PLA2G5: variants seen among roughly 807,000 people sequenced by gnomAD.
PLA2G5 encodes phospholipase A2 group V.
PLA2G5 carries 12 observed loss-of-function variants against 15.9 expected under a neutral mutation model. That is an observed-to-expected ratio of 0.76 (90% CI 0.48 to 1.23). The LOEUF (loss-of-function observed/expected upper bound fraction) is 1.23, where lower values mean the gene tolerates loss of function less well. PLA2G5 is among the 50% of genes most tolerant of loss of function. The pLI, the probability that PLA2G5 is intolerant of heterozygous loss-of-function variation, is 0.00. For synonymous variants in PLA2G5, 71 were observed against 71.4 expected (o/e 0.99, Z 0.03); for missense variants, 169 against 177.1 (o/e 0.95, Z 0.26).
chr1:20,085,316 G>A (rs1034828076), intron 2 of PLA2G5, among the ~76,000 whole-genome samples: 12 of 151,730 alleles, frequency 7.9e-5, no homozygotes, highest in African/African-American at 2.9e-4. Context: ...TGTATAGATG[G>A]CTTTAGTCCC....
intron 1 of PLA2G5, among the ~76,000 whole-genome samples, chr1:20,032,376 A>G (rs1314220999): frequency 6.6e-6 from 1 of 151,212 alleles, no homozygotes; most frequent in East Asian, 1.9e-4. Context: ...TGATGGTGGT[A>G]GGAAAAGTTT....
At chr1:20,033,640 T>A (rs1277911812) in intron 1 of PLA2G5, among the ~76,000 whole-genome samples, 2 of 152,150 alleles carry the variant, frequency 1.3e-5, no homozygotes, top group African/African-American at 4.8e-5. Context: ...TTGAGAGGTA[T>A]GCAATAGTTT....
At chr1:20,041,836 C>G (rs1277880766) in intron 1 of PLA2G5, among the ~76,000 whole-genome samples, 1 of 152,080 alleles carries the variant, frequency 6.6e-6, no homozygotes, top group Non-Finnish European at 1.5e-5. Context: ...AGGAGAAAAA[C>G]TGGCAGTGAG....
Position 20,090,812 on chromosome 1 carries a change from A to G in PLA2G5, c.*120A>G. On this transcript the variant is annotated 3_prime_UTR_variant, in exon 5 of 5. Transcript: ENST00000375108. Reference sequence around the variant, plus strand: ...AAGTCACAGACCTCAGTCTTTCTCGAAGCTTGGCGGACCCCCAGGGCCACA... The same window carrying G: ...AAGTCACAGACCTCAGTCTTTCTCGGAGCTTGGCGGACCCCCAGGGCCACA... The G allele has an allele frequency of 9.2e-7, 1 of 1,081,502 alleles. No homozygotes were observed. The highest frequency in any genetic ancestry group is 1.4e-6 in the Non-Finnish European group (1 of 723,722). The allele number at this position is 1,081,502 out of a possible 1,614,324, so 67.0% of individuals were successfully genotyped here.
At chr1:20,036,081 CT>C (rs1196513344) in intron 1 of PLA2G5, among the ~76,000 whole-genome samples, 2 of 152,174 alleles carry the variant, frequency 1.3e-5, no homozygotes, top group African/African-American at 4.8e-5. Flanking sequence ...TCCCTTCTAG[CT>C]TGTAGGGTTT....
At chr1:20,053,568 T>TGGG in intron 1 of PLA2G5, among the ~76,000 whole-genome samples, 1 of 58,656 alleles carries the variant, frequency 1.7e-5, no homozygotes, top group Admixed American at 1.8e-4. Flanking sequence ...TGTATTACTT[T>TGGG]GCGGGGGGGG....
chr1:20,063,220 G>GA (rs1435229834), intron 2 of PLA2G5, among the ~76,000 whole-genome samples: 7 of 152,046 alleles, frequency 4.6e-5, no homozygotes, highest in Admixed American at 2.6e-4. Flanking sequence ...AGATGAAAAT[G>GA]AAAAAAACCA....
At chr1:20,033,841 C>G (rs2013101098) in intron 1 of PLA2G5, among the ~76,000 whole-genome samples, 1 of 151,840 alleles carries the variant, frequency 6.6e-6, no homozygotes, top group Non-Finnish European at 1.5e-5. Context: ...TAGGATGGGC[C>G]TTATGAGATA....
At chr1:20,044,913 G>A (rs545954860) in intron 1 of PLA2G5, among the ~76,000 whole-genome samples, 2 of 152,156 alleles carry the variant, frequency 1.3e-5, no homozygotes, top group South Asian at 2.1e-4. Flanking sequence ...ACAGAGGGGA[G>A]GGAAAGGAGG....
chr1:20,035,639 A>G (rs2013203327), intron 1 of PLA2G5, among the ~76,000 whole-genome samples: 1 of 152,240 alleles, frequency 6.6e-6, no homozygotes, highest in Non-Finnish European at 1.5e-5. Flanking sequence ...TCTTGAAGAC[A>G]GCAGATACTT....
chr1:20,036,949 G>T (rs1284337491), intron 1 of PLA2G5, among the ~76,000 whole-genome samples: 1 of 152,182 alleles, frequency 6.6e-6, no homozygotes, highest in African/African-American at 2.4e-5. Flanking sequence ...ACAGGCACGA[G>T]CCACCACACC....
chr1:20,039,670 GGAGA>G (rs142706440), intron 1 of PLA2G5, among the ~76,000 whole-genome samples: 28 of 149,582 alleles, frequency 1.9e-4, no homozygotes, highest in South Asian at 4.2e-4. Flanking sequence ...GAGGGGAAGT[GGAGA>G]GAGAGAGAGA....
intron 2 of PLA2G5, among the ~76,000 whole-genome samples, chr1:20,085,876 C>A (rs1049925494): frequency 2.0e-5 from 3 of 152,148 alleles, no homozygotes; most frequent in Non-Finnish European, 2.9e-5. Flanking sequence ...GGATTTGAAC[C>A]CAGGTCTGCT....
chr1:20,084,211 C>T (rs1468276083), intron 1 of PLA2G5, among the ~76,000 whole-genome samples: 2 of 152,162 alleles, frequency 1.3e-5, no homozygotes, highest in Admixed American at 1.3e-4. Context: ...CTGAGCACCT[C>T]CTCTGGGCCA....
intron 1 of PLA2G5, among the ~76,000 whole-genome samples, chr1:20,032,087 G>A (rs2012983380): frequency 6.6e-6 from 1 of 152,162 alleles, no homozygotes; most frequent in African/African-American, 2.4e-5. Flanking sequence ...GAGGGCCAAT[G>A]GGAGAAGTGA....
chr1:20,088,084 G>A (rs11573275), intron 3 of PLA2G5, among the ~76,000 whole-genome samples: 11,949 of 151,706 alleles, frequency 0.079, 526 homozygotes, highest in Admixed American at 0.14. Flanking sequence ...TGGGCCGGGC[G>A]CGGTGGCTCA....
intron 1 of PLA2G5, among the ~76,000 whole-genome samples, chr1:20,032,638 C>T (rs1381885038): frequency 2.0e-5 from 3 of 151,868 alleles, no homozygotes; most frequent in Non-Finnish European, 2.9e-5. Flanking sequence ...GCATAGGGGG[C>T]GGTAACCAGT....
intron 1 of PLA2G5, among the ~76,000 whole-genome samples, chr1:20,078,505 C>T (rs2015819925): frequency 6.6e-6 from 1 of 152,108 alleles, no homozygotes; most frequent in Non-Finnish European, 1.5e-5. Flanking sequence ...GCTCTGATCA[C>T]CGCCAGACAC....
upstream of PLA2G5, among the ~76,000 whole-genome samples, chr1:20,068,041 C>T (rs1363328677): frequency 2.0e-5 from 3 of 152,132 alleles, no homozygotes; most frequent in African/African-American, 7.2e-5. Flanking sequence ...ATCGCTTGAA[C>T]CTGGGAGTGG....
Sources: gnomAD v4.1 joint callset for allele counts (sites outside exome capture counted in the v4.1 genomes callset) on GRCh38, gnomAD v4.1.1 for gene constraint, MANE v1.5 for transcripts, NCBI Gene and HGNC (gene_info 2026-07-23, HGNC 2026-07-21) for gene names.